The following RABGAP1L variants were observed in gnomAD, a reference collection of about 807,000 sequenced individuals.
The protein encoded by RABGAP1L is RAB GTPase activating protein 1 like, also known as rab GTPase-activating protein 1-like.
RABGAP1L carries 63 observed loss-of-function variants against 137.7 expected under a neutral mutation model. The observed-to-expected ratio is 0.46, with a 90% confidence interval of 0.37 to 0.56. RABGAP1L has a LOEUF of 0.56. RABGAP1L is among the 20% of genes least tolerant of loss of function. The pLI, the probability that RABGAP1L is intolerant of heterozygous loss-of-function variation, is 0.00. For synonymous variants in RABGAP1L, 431 were observed against 433.7 expected (o/e 0.99, Z 0.08); for missense variants, 1,095 against 1,244.0 (o/e 0.88, Z 1.80).
chr1:174,648,116 A>G (rs554476488), intron 14 of RABGAP1L, among the ~76,000 whole-genome samples: 1 of 151,974 alleles, frequency 6.6e-6, no homozygotes, highest in Admixed American at 6.6e-5. Context: ...TAATCTGGGT[A>G]ATGTTCTATC....
chr1:174,648,348 A>G (rs972286869), intron 14 of RABGAP1L, among the ~76,000 whole-genome samples: 1 of 152,164 alleles, frequency 6.6e-6, no homozygotes, highest in African/African-American at 2.4e-5. Flanking sequence ...GTTTAGTGCT[A>G]TAAATTTTTC....
At chr1:174,642,767 C>T (rs12758306) in intron 14 of RABGAP1L, among the ~76,000 whole-genome samples, 7,820 of 121,130 alleles carry the variant, frequency 0.065, 320 homozygotes, top group Non-Finnish European at 0.092. Flanking sequence ...TCCCCTCTCT[C>T]CCTCTCCCCC....
intron 11 of RABGAP1L, among the ~76,000 whole-genome samples, chr1:174,308,478 C>T (rs575491702): frequency 6.6e-5 from 10 of 151,832 alleles, no homozygotes; most frequent in Non-Finnish European, 1.2e-4. Flanking sequence ...TGGAGCTGCT[C>T]CCCTTTGTTT....
chr1:174,347,959 T>TA (rs1682604958), intron 11 of RABGAP1L, among the ~76,000 whole-genome samples: 1 of 152,188 alleles, frequency 6.6e-6, no homozygotes, highest in Non-Finnish European at 1.5e-5. Context: ...TAAATCCATT[T>TA]AGCCACTCTA....
rs1389481069 is a variant in RABGAP1L, at chr1:174,570,897, A to T, written c.1711-66478A>T. On this transcript the variant is annotated intron_variant, in intron 13 of 25. Coordinates refer to ENST00000681986, the MANE Select transcript of RABGAP1L (RefSeq NM_001366446.1). ...AAACTAAAAATTTAGTTGCCATATG[A>T]TGCACCAATTCCACTGCTGGGTATA... Among the ~76,000 whole-genome samples the T allele has an allele frequency of 2.0e-5, 3 of 152,192 alleles. No individual in the cohort carries two copies. In the East Asian group the frequency reaches 5.8e-4, roughly 29 times the overall value.
At chr1:174,555,548 AT>A (rs764455324) in intron 13 of RABGAP1L, among the ~76,000 whole-genome samples, 6 of 151,986 alleles carry the variant, frequency 3.9e-5, no homozygotes, top group East Asian at 3.9e-4. Context: ...CCCAAAAAAA[AT>A]GTATGTTCCC....
chr1:174,514,171 CAT>C (rs1558298567), intron 13 of RABGAP1L, among the ~76,000 whole-genome samples: 1 of 142,582 alleles, frequency 7.0e-6, no homozygotes, highest in African/African-American at 2.6e-5. Context: ...AAAGAGGACT[CAT>C]GACAACAATG....
chr1:174,708,556 C>A (rs1572876700), intron 17 of RABGAP1L, among the ~76,000 whole-genome samples: 1 of 152,178 alleles, frequency 6.6e-6, no homozygotes, highest in African/African-American at 2.4e-5. Context: ...GGAACTCCCT[C>A]CCCTAGCTGA....
chr1:174,634,678 A>G (rs1248863768), intron 13 of RABGAP1L, among the ~76,000 whole-genome samples: 8 of 115,270 alleles, frequency 6.9e-5, no homozygotes, highest in African/African-American at 1.6e-4. Context: ...TGTGGCACAT[A>G]TACACCATGG....
At chr1:174,630,107 T>G (rs1419649110) in intron 13 of RABGAP1L, among the ~76,000 whole-genome samples, 1 of 151,260 alleles carries the variant, frequency 6.6e-6, no homozygotes, top group Non-Finnish European at 1.5e-5. Flanking sequence ...GCATGAAGGG[T>G]TGTTGAATTT....
chr1:174,935,984 C>CAAAAAAAAAAAAAAAAAAAAAA (rs58215269), intron 19 of RABGAP1L, among the ~76,000 whole-genome samples: 1 of 43,176 alleles, frequency 2.3e-5, no homozygotes, highest in Non-Finnish European at 4.0e-5. Flanking sequence ...TCCATCTCAC[C>CAAAAAAAAAAAAAAAAAAAAAA]AAAAAAAAAA....
At position 174,979,027 on chromosome 1, in the gene RABGAP1L, A is replaced by T. The variant is rs555056896; in HGVS notation, c.2733+137A>T. 602 of 1,257,586 alleles carry T rather than the reference A, an allele frequency of 4.8e-4. 1 individual carries two copies. Among genetic ancestry groups the T allele is most frequent in the Non-Finnish European group, 5.6e-4 (544 of 979,040 alleles). The allele number at this position is 1,257,586 out of a possible 1,614,324, so 77.9% of individuals were successfully genotyped here. A position where few individuals can be genotyped will look rare whatever the true frequency, so the allele number is the denominator to read the frequency against. On this transcript the variant is annotated intron_variant, in intron 23 of 25. Coordinates refer to ENST00000681986, the MANE Select transcript of RABGAP1L (RefSeq NM_001366446.1). ...GACCCCATATCTACAAGGAAAAAAA[A>T]TTTTTTAGTTAGCCAGGCACAGTGG...
chr1:174,449,621 A>C (rs1010934245), intron 13 of RABGAP1L, among the ~76,000 whole-genome samples: 11 of 152,200 alleles, frequency 7.2e-5, no homozygotes, highest in Admixed American at 3.9e-4. Flanking sequence ...TTTGTAGAAA[A>C]GTGCTACATA....
chr1:174,643,265 G>T (rs1007873069), intron 14 of RABGAP1L, among the ~76,000 whole-genome samples: 1 of 152,102 alleles, frequency 6.6e-6, no homozygotes, highest in Non-Finnish European at 1.5e-5. Flanking sequence ...GTGCTTTTGA[G>T]GAATCAGGAA....
At chr1:174,818,463 A>T (rs1242226906) in intron 19 of RABGAP1L, among the ~76,000 whole-genome samples, 1 of 152,242 alleles carries the variant, frequency 6.6e-6, no homozygotes, top group Non-Finnish European at 1.5e-5. Flanking sequence ...CAGTTAAGTT[A>T]TGACAAATAA....
chr1:174,458,509 T>C (rs1005207852), intron 13 of RABGAP1L, among the ~76,000 whole-genome samples: 2 of 152,042 alleles, frequency 1.3e-5, no homozygotes, highest in Non-Finnish European at 2.9e-5. Context: ...ATTTCTAGCA[T>C]ATGAATAAAA....
chr1:174,942,040 C>T (rs1203410567), intron 19 of RABGAP1L, among the ~76,000 whole-genome samples: 1 of 152,170 alleles, frequency 6.6e-6, no homozygotes. Flanking sequence ...ACAGATCCAG[C>T]TTTGGGTCAT....
intron 19 of RABGAP1L, chr1:174,897,355 T>C (rs1424455362): frequency 1.3e-5 from 2 of 152,234 alleles, no homozygotes; most frequent in African/African-American, 4.8e-5. Context: ...GAGCCTACTC[T>C]AATTCTTTAA....
intron 19 of RABGAP1L, among the ~76,000 whole-genome samples, chr1:174,948,426 G>A (rs1667210221): frequency 6.8e-6 from 1 of 147,268 alleles, no homozygotes; most frequent in Non-Finnish European, 1.5e-5. Flanking sequence ...CTAAGAGGTG[G>A]GACTATCACT....
Sources: allele counts gnomAD v4.1 joint callset (sites outside exome capture counted in the v4.1 genomes callset), GRCh38; gene constraint gnomAD v4.1.1; transcripts MANE v1.5; gene names NCBI Gene and HGNC (gene_info 2026-07-23, HGNC 2026-07-21).